The following GAS6 variants were observed in gnomAD, a reference collection of about 807,000 sequenced individuals.
GAS6 encodes the protein growth arrest specific 6, also known as growth arrest-specific protein 6.
A neutral mutation model predicts 75.8 loss-of-function variants in GAS6; 41 were observed. The ratio of observed to expected loss-of-function variants is 0.54; its 90% CI spans 0.42 to 0.70. The LOEUF is 0.70. GAS6 is among the 30% of genes least tolerant of loss of function. The probability of loss-of-function intolerance (pLI) is 0.00; values close to 1 mark genes in which losing one functional copy is unlikely to be tolerated. For missense variants in GAS6, 854 were observed against 940.2 expected (o/e 0.91, Z 1.20); for synonymous variants, 432 against 412.6 (o/e 1.05, Z -0.57).
chr13:113,839,471 T>TC (rs544344857), intron 5 of GAS6: 79 of 434,426 alleles, frequency 1.8e-4, no homozygotes, highest in Admixed American at 1.4e-3. Context: ...AGGTGAAATT[T>TC]CCCCCCCCGC....
At position 113,823,542 on chromosome 13, in the gene GAS6, G is replaced by A. The variant is rs1480246581; in HGVS notation, c.1486C>T (p.Pro496Ser). ...AFYSLDYMRTPLDVGTESTWE... is the reference protein window; with the variant it reads ...AFYSLDYMRTSLDVGTESTWE... ...GTTGATTCAGTCCCGACGTCCAGAG[G>A]GGTCCGCACTGCAATGAAAGCGGTG... Residue 496 changes from proline to serine, a missense_variant, in exon 13 of 15, where the codon CCT becomes TCT. Physicochemically the swap from Pro to Ser is moderately conservative, Grantham distance 74. Coordinates refer to ENST00000327773, the MANE Select transcript of GAS6 (RefSeq NM_000820.4). The A allele has an allele frequency of 2.5e-6, 4 of 1,610,610 alleles. No individual in the cohort carries two copies. In the South Asian group the frequency reaches 4.4e-5, roughly 18 times the overall value.
chr13:113,835,840 C>T (rs1357118063), intron 6 of GAS6: 3 of 1,287,002 alleles, frequency 2.3e-6, no homozygotes, highest in Admixed American at 3.7e-5. Flanking sequence ...GATCAAGGCC[C>T]GGCTGGGAAG....
rs948922226 is a variant in GAS6 at position 113,846,087 on chromosome 13, C to T, written c.343+440G>A. On this transcript the variant is annotated intron_variant, in intron 4 of 14. Coordinates refer to ENST00000327773, the MANE Select transcript of GAS6 (RefSeq NM_000820.4). ...ATGATGCACCGGCTGGAAATGCCAG[C>T]GTGAAGGTGAGACACGCTAAGAGAG... 2.0e-5 allele frequency among the ~76,000 whole-genome samples: 3 copies of T among 152,258 alleles called. No homozygotes were observed. In the South Asian group the frequency reaches 6.2e-4, roughly 31 times the overall value.
rs532835258 is a variant in GAS6 at position 113,821,946 on chromosome 13, GGGA to G, written c.1882+9_1882+11del. 4.6e-6 allele frequency: 7 copies of G among 1,521,114 alleles called. No individual in the cohort carries two copies. The highest frequency in any genetic ancestry group is 6.2e-6 in the Non-Finnish European group (7 of 1,136,182). 94.2% of individuals were successfully genotyped at this position (1,521,114 alleles called of 1,614,324 possible). On this transcript the variant is annotated intron_variant, in intron 14 of 14. Transcript: ENST00000327773. ...CTCTTCACCCGGGTTGAGCGGAGCA[GGGA>G]GCACCTACCTGGCAGGCCGCCAGCA...
Position 113,863,598 on chromosome 13 carries a change from C to A in GAS6, c.232G>T (p.Val78Leu), listed in dbSNP as rs1455017706. The A allele has an allele frequency of 6.6e-7, 1 of 1,521,814 alleles. No homozygotes were observed. Among genetic ancestry groups the A allele is most frequent in the Admixed American group, 2.0e-5 (1 of 49,278 alleles). The allele number at this position is 1,521,814 out of a possible 1,614,324, so 94.3% of individuals were successfully genotyped here. ...ELCSREEARE[V>L]FENDPETDYF... ...ACCGTCTCGGGGTCGTTCTCGAACA[C>A]CTCCCGCGCCTCCTCGCGGCTGCAC... Residue 78 changes from valine (V) to leucine (L), a missense_variant, in exon 2 of 15, where the codon GTG (valine) becomes TTG (leucine). Val to Leu is a conservative substitution (Grantham distance 32, BLOSUM62 1). Coordinates refer to ENST00000327773, the MANE Select transcript of GAS6 (RefSeq NM_000820.4). This position sits in a 1 kb window ranked among gnomAD's most constrained non-coding sequence, Gnocchi z 9.4.
At chr13:113,850,720 G>A (rs1468625206) in intron 2 of GAS6, among the ~76,000 whole-genome samples, 1 of 152,202 alleles carries the variant, frequency 6.6e-6, no homozygotes, top group Non-Finnish European at 1.5e-5. Context: ...ATGAGTGCGT[G>A]AAAGAATGGA....
chr13:113,840,698 C>G (rs1429892188), intron 4 of GAS6: 1 of 152,270 alleles, frequency 6.6e-6, no homozygotes, highest in East Asian at 1.9e-4. Flanking sequence ...ACACCCGGAG[C>G]TCAAAGAATC....
rs2051691261 is a variant in GAS6 at position 113,835,523 on chromosome 13, C to G, written c.702G>C (p.Lys234Asn). The G allele has an allele frequency of 6.2e-7, 1 of 1,612,398 alleles. No individual in the cohort carries two copies. The highest frequency in any genetic ancestry group is 1.3e-5 in the African/African-American group (1 of 74,934). The change falls in exon 7 of 15, where the codon AAG becomes AAC. Residue 234 changes from lysine (K) to asparagine (N), a missense_variant. Lys to Asn is a moderately conservative substitution (Grantham distance 94). Transcript: ENST00000327773. ...GCGTGGCGTGGGTACCTCGGCAAGC[C>G]TTCTCCTGGGAGCTGTACGCAAAGC... ...DEGFAYSSQEKACRDVDECLQ... is the reference protein window; with the variant it reads ...DEGFAYSSQENACRDVDECLQ...
intron 2 of GAS6, among the ~76,000 whole-genome samples, chr13:113,852,295 G>T (rs965266102): frequency 6.6e-6 from 1 of 152,198 alleles, no homozygotes; most frequent in African/African-American, 2.4e-5. Context: ...GGACGTCCCC[G>T]TGCTGGGGGT....
chr13:113,853,300 T>C (rs1404304351), intron 2 of GAS6, among the ~76,000 whole-genome samples: 1 of 152,210 alleles, frequency 6.6e-6, no homozygotes, highest in East Asian at 1.9e-4. Context: ...CAGCAAGGTC[T>C]CTGCCTGGTG....
rs1428739744 is a variant in GAS6 at position 113,833,541 on chromosome 13, C to T, written c.835-789G>A. On this transcript the variant is annotated intron_variant, in intron 8 of 14. Coordinates refer to ENST00000327773, the MANE Select transcript of GAS6 (RefSeq NM_000820.4). ...AGACAAGAGCCGCCCTGCCCAGAAA[C>T]GTCCACATGTGGGTACTGCATTCCT... is the stretch of plus-strand genomic sequence containing the variant. 30 of 998,364 alleles carry T rather than the reference C, an allele frequency of 3.0e-5. No homozygotes were observed. In the East Asian group the frequency reaches 4.5e-4, roughly 15 times the overall value. 61.8% of individuals were successfully genotyped at this position (998,364 alleles called of 1,614,324 possible).
intron 2 of GAS6, among the ~76,000 whole-genome samples, chr13:113,858,212 C>CTG (rs1276781188): frequency 6.6e-6 from 1 of 152,200 alleles, no homozygotes; most frequent in African/African-American, 2.4e-5. Flanking sequence ...GCACATGTGT[C>CTG]TGTGTGTGTC....
At chr13:113,826,908 T>G (rs1449378756) in intron 12 of GAS6, 88 bp downstream of exon 12, 7 of 716,456 alleles carry the variant, frequency 9.8e-6, no homozygotes, top group Non-Finnish European at 1.3e-5. Flanking sequence ...GTCCTGACGC[T>G]GCCATCTGAG....
At chr13:113,834,718 C>T (rs764268205) in intron 7 of GAS6, 46 bp from the exon 8 acceptor site, 3 of 1,421,940 alleles carry the variant, frequency 2.1e-6, no homozygotes, top group East Asian at 5.1e-5. Flanking sequence ...GGCCTCTACG[C>T]TGTCCCGCCG....
intron 11 of GAS6, among the ~76,000 whole-genome samples, chr13:113,828,130 G>C (rs943572163): frequency 1.3e-5 from 2 of 152,148 alleles, no homozygotes; most frequent in Non-Finnish European, 2.9e-5. Context: ...CGGACGTGGT[G>C]GCGGGCGCCT....
At chr13:113,838,614 G>A (rs1401068237) in intron 5 of GAS6, among the ~76,000 whole-genome samples, 3 of 108,374 alleles carry the variant, frequency 2.8e-5, no homozygotes, top group South Asian at 4.2e-4. Context: ...GGAGCAGGGA[G>A]GGAGCCCGGG....
At chr13:113,829,951 C>G (rs2051609465) in intron 10 of GAS6, among the ~76,000 whole-genome samples, 1 of 152,024 alleles carries the variant, frequency 6.6e-6, no homozygotes, top group Admixed American at 6.5e-5. Flanking sequence ...TCACCTGAGC[C>G]AAGAGGGACC....
At position 113,863,630 on chromosome 13, in the gene GAS6, T is replaced by C; in HGVS notation, c.200A>G (p.Glu67Gly). 6.5e-7 allele frequency: 1 copy of C among 1,527,294 alleles called. No homozygotes were observed. The highest frequency in any genetic ancestry group is 8.8e-7 in the Non-Finnish European group (1 of 1,137,008). 94.6% of individuals were successfully genotyped at this position (1,527,294 alleles called of 1,614,324 possible). The change falls in exon 2 of 15, where the codon GAG becomes GGG. Residue 67 changes from glutamate to glycine, a missense_variant. Glu to Gly is a moderately conservative substitution (Grantham distance 98, BLOSUM62 -2). Transcript: ENST00000327773. This position sits in a 1 kb window ranked among gnomAD's most constrained non-coding sequence, Gnocchi z 9.4. ...CGCCTCCTCGCGGCTGCACAGCTCC[T>C]CCACGCACTCCCTCTCCAGGTGGCC... ...KQGHLERECV[E>G]ELCSREEARE...
Position 113,833,622 on chromosome 13 carries a change from T to C in GAS6, c.835-870A>G, listed in dbSNP as rs1300773643. On this transcript the variant is annotated intron_variant, in intron 8 of 14. Coordinates refer to ENST00000327773, the MANE Select transcript of GAS6 (RefSeq NM_000820.4). ...GTGTGACAGGCACCGGTGTGACAGG[T>C]CGGTGTGACAGGCACCAGTGTGACA... 92 of 1,004,860 alleles carry C rather than the reference T, an allele frequency of 9.2e-5. No individual in the cohort carries two copies. In the East Asian group the frequency reaches 7.6e-3, roughly 83 times the overall value. The allele number at this position is 1,004,860 out of a possible 1,614,324, so 62.2% of individuals were successfully genotyped here. A position where few individuals can be genotyped will look rare whatever the true frequency, so the allele number is the denominator to read the frequency against.
Sources: gnomAD v4.1 joint callset for allele counts (sites outside exome capture counted in the v4.1 genomes callset) on GRCh38, gnomAD v4.1.1 for gene constraint, Gnocchi (gnomAD v3.1) non-coding constraint, MANE v1.5 for transcripts, NCBI Gene and HGNC (gene_info 2026-07-23, HGNC 2026-07-21) for gene names.